SFI1: variants seen among roughly 807,000 people sequenced by gnomAD.
The protein encoded by SFI1 is protein SFI1 homolog.
SFI1 carries 195 observed loss-of-function variants against 207.5 expected under a neutral mutation model. The observed-to-expected ratio is 0.94, with a 90% CI of 0.84 to 1.06. The LOEUF (loss-of-function observed/expected upper bound fraction) is 1.06. Among genes scored for constraint, SFI1 ranks in the 50% least tolerant of loss-of-function variants. SFI1 has a pLI of 0.00. For synonymous variants in SFI1, 630 were observed against 598.9 expected, an observed-to-expected ratio of 1.05 and a Z score of -0.76; for missense variants, 1,634 against 1,588.0, an observed-to-expected ratio of 1.03 and a Z score of -0.49.
At chr22:31,537,277 A>G (rs980293745) in intron 4 of SFI1, among the ~76,000 whole-genome samples, 5 of 152,146 alleles carry the variant, frequency 3.3e-5, no homozygotes, top group African/African-American at 1.2e-4. Context: ...CAGGAAAGAA[A>G]ACTTCCCTGG....
In SFI1 at chr22:31,528,867, A is replaced by G. The variant is rs780804067; in HGVS notation, c.266+4A>G. On this transcript the variant is annotated splice_donor_region_variant and intron_variant, in intron 3 of 32. Coordinates refer to ENST00000400288, the MANE Select transcript of SFI1 (RefSeq NM_001007467.3). Reference sequence around the variant, plus strand: ...GGTTAAGAGAACTGCGCATCAGGTGAGCTTATGAGTGGCCACCAGTCTATG... The same window carrying G: ...GGTTAAGAGAACTGCGCATCAGGTGGGCTTATGAGTGGCCACCAGTCTATG... 6.2e-6 allele frequency: 10 copies of G among 1,608,844 alleles called. No individual in the cohort carries two copies. The African/African-American group carries it at 1.3e-4, about 22-fold the overall frequency.
At chr22:31,572,831 T>C in intron 8 of SFI1, 1 of 403,404 alleles carries the variant, frequency 2.5e-6, no homozygotes. Flanking sequence ...ATTTTATTCT[T>C]CTTTTTTTTA....
intron 8 of SFI1, among the ~76,000 whole-genome samples, chr22:31,562,550 C>T (rs1162579157): frequency 6.6e-6 from 1 of 151,982 alleles, no homozygotes; most frequent in Non-Finnish European, 1.5e-5. Flanking sequence ...TTAAAAGTCC[C>T]ATATTATTGT....
At chr22:31,547,302 G>T (rs1263427386) in intron 5 of SFI1, among the ~76,000 whole-genome samples, 2 of 151,756 alleles carry the variant, frequency 1.3e-5, no homozygotes, top group Non-Finnish European at 2.9e-5. Context: ...TGGGTTTTTT[G>T]TTTGTTTGTT....
At position 31,606,365 on chromosome 22, in the gene SFI1, C is replaced by G. The variant is rs61744631; in HGVS notation, c.2092C>G (p.Arg698Gly). Reference sequence around the variant, plus strand: ...TCGCTGGAAAGAGAACACCATGGCCCGAGTGGATGAAGCCAAAAAAACCTT... The same window carrying G: ...TCGCTGGAAAGAGAACACCATGGCCGGAGTGGATGAAGCCAAAAAAACCTT... The part of the protein sequence containing the change: ...LRRWKENTMA[R>G]VDEAKKTFQA... The change falls in exon 21 of 33, where the codon CGA (arginine) becomes GGA (glycine). Residue 698 changes from arginine to glycine, a missense_variant. Transcript: ENST00000400288. 8.0e-4 allele frequency: 1,289 copies of G among 1,613,814 alleles called. 7 individuals carry two copies. The African/African-American group carries it at 0.014, about 17-fold the overall frequency.
chr22:31,610,836 G>A (rs541753976), intron 22 of SFI1, among the ~76,000 whole-genome samples: 11 of 152,324 alleles, frequency 7.2e-5, no homozygotes, highest in Admixed American at 2.6e-4. Flanking sequence ...CATTTTGCAC[G>A]TGACTCTTAG....
At chr22:31,575,705 C>A (rs1444409925) in intron 10 of SFI1, among the ~76,000 whole-genome samples, 1 of 152,146 alleles carries the variant, frequency 6.6e-6, no homozygotes, top group Non-Finnish European at 1.5e-5. Flanking sequence ...AGAGGTAATC[C>A]CACTTTCCTG....
chr22:31,583,942 C>T lies in SFI1; in HGVS notation c.1316C>T (p.Pro439Leu). ...CAGAAAAAGGAAAGAGAGCTGCTCC[C>T]CTTACTGCATGCTGCCTGGGACCAC... ...IEQKKERELL[P>L]LLHAAWDHYR... is the part of the protein sequence containing the mutation. Residue 439 changes from proline (P) to leucine (L), a missense_variant, in exon 13 of 33, where the codon CCC becomes CTC. By Grantham distance (98) the Pro-to-Leu change is moderately conservative (BLOSUM62 -3). Transcript: ENST00000400288. The T allele has an allele frequency of 6.2e-7, 1 of 1,614,148 alleles. No individual in the cohort carries two copies. Among genetic ancestry groups the T allele is most frequent in the Non-Finnish European group, 8.5e-7 (1 of 1,180,006 alleles).
intron 1 of SFI1, among the ~76,000 whole-genome samples, chr22:31,503,159 A>G (rs2054082727): frequency 6.6e-6 from 1 of 151,132 alleles, no homozygotes; most frequent in Non-Finnish European, 1.5e-5. Context: ...TAATCTAGGG[A>G]CAAGTCTGCT....
chr22:31,606,051 G>A, intron 20 of SFI1: 1 of 393,586 alleles, frequency 2.5e-6, no homozygotes, highest in Non-Finnish European at 4.7e-6. Context: ...TGTTGCCACT[G>A]CCTGGTTATG....
chr22:31,580,635 C>G (rs544396308), intron 12 of SFI1, among the ~76,000 whole-genome samples: 5 of 151,298 alleles, frequency 3.3e-5, no homozygotes, highest in African/African-American at 9.7e-5. Context: ...CTCCGCCTCC[C>G]GGGTTCAAGC....
chr22:31,588,505 C>T (rs2065332883), intron 14 of SFI1, among the ~76,000 whole-genome samples: 1 of 152,162 alleles, frequency 6.6e-6, no homozygotes, highest in Admixed American at 6.5e-5. Context: ...TAATTTGCAG[C>T]CATGTTTTTA....
intron 4 of SFI1, among the ~76,000 whole-genome samples, chr22:31,535,756 A>G (rs1401400040): frequency 2.0e-5 from 3 of 151,944 alleles, no homozygotes; most frequent in African/African-American, 7.3e-5. Flanking sequence ...GTCTTTATAT[A>G]TTTTTTAGAG....
intron 20 of SFI1, 180 bp downstream of exon 20, chr22:31,605,125 C>T (rs761182048): frequency 2.3e-5 from 13 of 557,070 alleles, no homozygotes; most frequent in Admixed American, 7.0e-5. Context: ...GTCTTAAGCC[C>T]CTGCTGTGTG....
intron 12 of SFI1, among the ~76,000 whole-genome samples, chr22:31,582,594 T>C (rs1240720905): frequency 1.3e-5 from 2 of 152,076 alleles, no homozygotes; most frequent in East Asian, 3.9e-4. Flanking sequence ...TCACTTAAAC[T>C]TTATCACCTT....
intron 2 of SFI1, among the ~76,000 whole-genome samples, chr22:31,522,943 A>G (rs2057451733): frequency 6.6e-6 from 1 of 152,120 alleles, no homozygotes. Flanking sequence ...TGTGAGCCAC[A>G]GCACCCGGCC....
At chr22:31,587,368 C>G (rs998244004) in intron 14 of SFI1, 1 of 357,070 alleles carries the variant, frequency 2.8e-6, no homozygotes, top group Non-Finnish European at 6.0e-6. Context: ...GTGGCATGAT[C>G]TTGGCTCACT....
chr22:31,589,380 G>A, intron 14 of SFI1, 67 bp from the exon 15 acceptor site: 1 of 1,377,080 alleles, frequency 7.3e-7, no homozygotes, highest in Non-Finnish European at 9.6e-7. Context: ...ACAAGGGTGT[G>A]ACCCTGAGAG....
At chr22:31,587,231 T>C in intron 14 of SFI1, 1 of 229,610 alleles carries the variant, frequency 4.4e-6, no homozygotes, top group South Asian at 5.3e-5. Flanking sequence ...ATTGACATTG[T>C]ATTGGGTATT....
Sources: allele counts gnomAD v4.1 joint callset (sites outside exome capture counted in the v4.1 genomes callset), GRCh38; gene constraint gnomAD v4.1.1; transcripts MANE v1.5; gene names NCBI Gene and HGNC (gene_info 2026-07-23, HGNC 2026-07-21).